Variants in MAP3K1 observed in about 807,000 individuals in gnomAD.
MAP3K1 encodes mitogen-activated protein kinase kinase kinase 1.
MAP3K1 carries 36 observed loss-of-function variants against 144.2 expected under a neutral mutation model. That is an observed-to-expected ratio of 0.25 (90% CI 0.19 to 0.33). The LOEUF (loss-of-function observed/expected upper bound fraction) is 0.33. Ranked by LOEUF, MAP3K1 falls within the 10% of genes least tolerant of loss-of-function variation. The probability of loss-of-function intolerance (pLI) is 1.00; values close to 1 mark genes in which losing one functional copy is unlikely to be tolerated. For missense variants in MAP3K1, 1,650 were observed against 1,881.9 expected (o/e 0.88, Z 2.28); for synonymous variants, 718 against 688.7 (o/e 1.04, Z -0.67).
At chr5:56,846,646 A>T (rs1483449427) in intron 1 of MAP3K1, among the ~76,000 whole-genome samples, 1 of 152,170 alleles carries the variant, frequency 6.6e-6, no homozygotes, top group Non-Finnish European at 1.5e-5. Flanking sequence ...GCATGGCTAT[A>T]TCTCCATGTC....
intron 6 of MAP3K1, among the ~76,000 whole-genome samples, chr5:56,867,271 A>C (rs1190012696): frequency 6.6e-6 from 1 of 152,206 alleles, no homozygotes; most frequent in Non-Finnish European, 1.5e-5. Context: ...CATGGGGGGA[A>C]TCACAAAAGT....
intron 1 of MAP3K1, among the ~76,000 whole-genome samples, chr5:56,836,861 C>G (rs1317866560): frequency 6.6e-6 from 1 of 152,144 alleles, no homozygotes; most frequent in Non-Finnish European, 1.5e-5. Context: ...ATTCAAGTCT[C>G]AAGTCTTTTG....
chr5:56,816,228 C>A (rs1380330282), intron 1 of MAP3K1, among the ~76,000 whole-genome samples, 173 bp downstream of exon 1: 2 of 152,116 alleles, frequency 1.3e-5, no homozygotes, highest in African/African-American at 4.8e-5. Flanking sequence ...CGGGCGGCGC[C>A]CCGGACCCAG....
chr5:56,871,607 A>C (rs1050812071), intron 6 of MAP3K1, among the ~76,000 whole-genome samples: 2 of 152,180 alleles, frequency 1.3e-5, no homozygotes, highest in African/African-American at 2.4e-5. Context: ...TGGTCTATTC[A>C]AAAGGTACAG....
chr5:56,876,443 T>A (rs2111925207), intron 10 of MAP3K1, among the ~76,000 whole-genome samples: 1 of 152,318 alleles, frequency 6.6e-6, no homozygotes, highest in South Asian at 2.1e-4. Context: ...ATGCATCCTC[T>A]ACCGATTGGG....
chr5:56,828,604 G>A (rs1303217232), intron 1 of MAP3K1, among the ~76,000 whole-genome samples: 1 of 152,168 alleles, frequency 6.6e-6, no homozygotes, highest in Non-Finnish European at 1.5e-5. Flanking sequence ...TTTAAAAAGC[G>A]TAATAACTGC....
chr5:56,816,092 A>G (rs1279194380), intron 1 of MAP3K1, 37 bp downstream of exon 1: 1 of 1,201,370 alleles, frequency 8.3e-7, no homozygotes, highest in Non-Finnish European at 1.0e-6. Flanking sequence ...GGGGACTTGG[A>G]GAGCGGGCAG....
In MAP3K1 at chr5:56,816,036, C is replaced by A. The variant is rs1337673679; in HGVS notation, c.463C>A (p.Pro155Thr). The change falls in exon 1 of 20, where the codon CCT becomes ACT. Residue 155 changes from proline (P) to threonine (T), a missense_variant. Physicochemically the swap from Pro to Thr is conservative, Grantham distance 38. Transcript: ENST00000399503. ...EKRAPAAEPS[P>T]AAAPAGREME... is the part of the protein sequence containing the mutation. ...GCGGGCGCCCGCCGCCGAGCCGTCTCCTGCAGCGGCCCCCGCCGGGTGAGC... is the reference window on the plus strand; with the variant it reads ...GCGGGCGCCCGCCGCCGAGCCGTCTACTGCAGCGGCCCCCGCCGGGTGAGC... The A allele has an allele frequency of 1.6e-6, 2 of 1,218,786 alleles. No homozygotes were observed. The highest frequency in any genetic ancestry group is 8.2e-5 in the South Asian group (2 of 24,492). 75.5% of individuals were successfully genotyped at this position (1,218,786 alleles called of 1,614,324 possible).
chr5:56,869,501 ATGTAT>A (rs1747787031), intron 6 of MAP3K1, among the ~76,000 whole-genome samples: 1 of 152,138 alleles, frequency 6.6e-6, no homozygotes, highest in African/African-American at 2.4e-5. Flanking sequence ...AAAAAGAATT[ATGTAT>A]ATGAAGAGTT....
chr5:56,861,675 A>G (rs954191523), intron 3 of MAP3K1, among the ~76,000 whole-genome samples: 4 of 152,074 alleles, frequency 2.6e-5, no homozygotes, highest in African/African-American at 7.2e-5. Context: ...TCAAAACATC[A>G]TATCACAGCA....
intron 1 of MAP3K1, among the ~76,000 whole-genome samples, chr5:56,846,941 A>T (rs1747016230): frequency 6.6e-6 from 1 of 152,130 alleles, no homozygotes; most frequent in South Asian, 2.1e-4. Flanking sequence ...GGATTGATTT[A>T]TTGTGGTACA....
At position 56,894,510 on chromosome 5, in the gene MAP3K1, C is replaced by T; in HGVS notation, c.*830C>T. 4.3e-6 allele frequency: 1 copy of T among 232,576 alleles called. No individual in the cohort carries two copies. Among genetic ancestry groups the T allele is most frequent in the East Asian group, 6.1e-5 (1 of 16,434 alleles). The allele number at this position is 232,576 out of a possible 1,614,324, so 14.4% of individuals were successfully genotyped here. A position where few individuals can be genotyped will look rare whatever the true frequency, so the allele number is the denominator to read the frequency against. ...ACCTACATTTGAGTCAGTCACCACT[C>T]TTATTGTGCAGGTTAAGTACAAGTT... On this transcript the variant is annotated 3_prime_UTR_variant, in exon 20 of 20. Coordinates refer to ENST00000399503, the MANE Select transcript of MAP3K1 (RefSeq NM_005921.2).
Position 56,881,117 on chromosome 5 carries a change from A to G in MAP3K1, c.2214A>G (p.Leu738=), listed in dbSNP as rs1247451022. ...SIGIGGVDYV[L]NCILGNQTES... is the part of the protein sequence containing the mutation. ...GTATTGGTGGTGTTGATTATGTCTT[A>G]AATTGTATTCTTGGAAACCAAACTG... The change falls in exon 13 of 20, where the codon TTA becomes TTG. Residue 738 remains leucine (L), a synonymous_variant. Transcript: ENST00000399503. 4.3e-6 allele frequency: 7 copies of G among 1,613,518 alleles called. No homozygotes were observed. The highest frequency in any genetic ancestry group is 4.2e-6 in the Non-Finnish European group (5 of 1,179,832).
intron 1 of MAP3K1, among the ~76,000 whole-genome samples, chr5:56,853,979 A>T (rs1441791680): frequency 6.6e-6 from 1 of 152,198 alleles, no homozygotes; most frequent in Non-Finnish European, 1.5e-5. Context: ...AAGTTAAAGA[A>T]GCCTCGTTAG....
chr5:56,817,980 C>T (rs1418645692), intron 1 of MAP3K1, among the ~76,000 whole-genome samples: 1 of 152,116 alleles, frequency 6.6e-6, no homozygotes, highest in African/African-American at 2.4e-5. Flanking sequence ...TTCCCCTTTG[C>T]TTAAGGTGTA....
rs369894303 is a variant in MAP3K1, at chr5:56,895,366, GTTT to G, written c.*1699_*1701del. On this transcript the variant is annotated 3_prime_UTR_variant, in exon 20 of 20. Coordinates refer to ENST00000399503, the MANE Select transcript of MAP3K1 (RefSeq NM_005921.2). ...TGTACTTGACTTTCTTTTTTATTTTGTTTTTTTTTTTTTTTGACTACTTAGAAT... is the reference window on the plus strand; with the variant it reads ...TGTACTTGACTTTCTTTTTTATTTTGTTTTTTTTTTTTGACTACTTAGAAT... The G allele has an allele frequency of 1.6e-3, 141 of 87,120 alleles. No individual in the cohort carries two copies. Among genetic ancestry groups the G allele is most frequent in the East Asian group, 4.4e-3 (58 of 13,112 alleles). The allele number at this position is 87,120 out of a possible 1,614,324, so 5.4% of individuals were successfully genotyped here. A position where few individuals can be genotyped will look rare whatever the true frequency, so the allele number is the denominator to read the frequency against.
At chr5:56,836,959 T>A (rs1746672883) in intron 1 of MAP3K1, among the ~76,000 whole-genome samples, 1 of 152,190 alleles carries the variant, frequency 6.6e-6, no homozygotes, top group African/African-American at 2.4e-5. Flanking sequence ...CTCAGAAATC[T>A]TGGAATAAAA....
At position 56,885,995 on chromosome 5, in the gene MAP3K1, A is replaced by G; in HGVS notation, c.4046A>G (p.Tyr1349Cys). The change falls in exon 17 of 20, where the codon TAC becomes TGC. Residue 1349 changes from tyrosine to cysteine, a missense_variant. Tyr to Cys is a radical substitution (Grantham distance 194, BLOSUM62 -2). This residue lies in a region of MAP3K1 where 165 missense variants were observed against 322.9 expected (regional missense o/e 0.51). Transcript: ENST00000399503. ...GAFKESVVIN[Y>C]TEQLLRGLSY... Reference sequence around the variant, plus strand: ...TTCAAAGAATCAGTAGTTATTAACTACACTGAACAGTTACTCCGTGGCCTT... The same window carrying G: ...TTCAAAGAATCAGTAGTTATTAACTGCACTGAACAGTTACTCCGTGGCCTT... The G allele has an allele frequency of 6.2e-7, 1 of 1,611,780 alleles. No homozygotes were observed.
chr5:56,853,016 T>G (rs1297624192), intron 1 of MAP3K1, among the ~76,000 whole-genome samples: 1 of 152,196 alleles, frequency 6.6e-6, no homozygotes, highest in African/African-American at 2.4e-5. Context: ...AAAAAATTTT[T>G]CACAGTTTGG....
Sources: gnomAD v4.1 joint callset for allele counts (sites outside exome capture counted in the v4.1 genomes callset) on GRCh38, gnomAD v4.1.1 for gene constraint, gnomAD v4.1.1 regional missense constraint, MANE v1.5 for transcripts, NCBI Gene and HGNC (gene_info 2026-07-23, HGNC 2026-07-21) for gene names.